GIPC3: variants seen among roughly 807,000 people sequenced by gnomAD.
GIPC3 encodes PDZ domain-containing protein GIPC3.
GIPC3 carries 16 observed loss-of-function variants against 27.3 expected under a neutral mutation model. That is an observed-to-expected ratio of 0.59 (90% CI 0.40 to 0.89). The LOEUF is 0.89. Among genes scored for constraint, GIPC3 ranks in the 40% least tolerant of loss-of-function variants. The pLI is 0.00. For missense variants in GIPC3, 440 were observed against 442.1 expected (o/e 1.00, Z 0.04); for synonymous variants, 194 against 184.6 (o/e 1.05, Z -0.41).
rs1015320883 is a variant in GIPC3, at chr19:3,592,365, A to C, written c.*2175A>C. 1.6e-6 allele frequency: 2 copies of C among 1,231,886 alleles called. No individual in the cohort carries two copies. The highest frequency in any genetic ancestry group is 3.1e-5 in the African/African-American group (2 of 64,392). 76.3% of individuals were successfully genotyped at this position (1,231,886 alleles called of 1,614,324 possible). The stretch of plus-strand genomic sequence containing the variant: ...CTTTGGAACTCAGCCCAGCTCTGGG[A>C]CCCAGATAAGCTCAAGAATTCAAGC... On this transcript the variant is annotated 3_prime_UTR_variant, in exon 6 of 6. Coordinates refer to ENST00000644452, the MANE Select transcript of GIPC3 (RefSeq NM_133261.3).
Position 3,586,910 on chromosome 19 carries a change from C to T in GIPC3, c.508C>T (p.His170Tyr). 2 of 1,613,538 alleles carry T rather than the reference C, an allele frequency of 1.2e-6. No individual in the cohort carries two copies. The highest frequency in any genetic ancestry group is 1.1e-5 in the South Asian group (1 of 91,084). The part of the protein sequence containing the change: ...INDHSIVGCR[H>Y]YEVAKMLREL... ...CGACCACTCCATTGTGGGCTGCCGC[C>T]ACTACGAGGTGGCCAAGATGCTCCG... Residue 170 changes from histidine (H) to tyrosine (Y), a missense_variant, in exon 3 of 6, where the codon CAC (histidine) becomes TAC (tyrosine). Physicochemically the swap from His to Tyr is moderately conservative, Grantham distance 83. Transcript: ENST00000644452.
rs1358965722 is a variant in GIPC3 at position 3,590,959 on chromosome 19, AG to A, written c.*770del. The A allele has an allele frequency of 8.1e-7, 1 of 1,233,220 alleles. No individual in the cohort carries two copies. Among genetic ancestry groups the A allele is most frequent in the Non-Finnish European group, 1.0e-6 (1 of 989,034 alleles). The allele number at this position is 1,233,220 out of a possible 1,614,324, so 76.4% of individuals were successfully genotyped here. A position where few individuals can be genotyped will look rare whatever the true frequency, so the allele number is the denominator to read the frequency against. ...AGCTCTGAGACAGAGCCCAGTATTG[AG>A]ACCAAGCCCTGTTCTAGAGTCCAGG... On this transcript the variant is annotated 3_prime_UTR_variant, in exon 6 of 6. Transcript: ENST00000644452.
Position 3,586,664 on chromosome 19 carries a change from G to A in GIPC3, c.395G>A (p.Gly132Asp), listed in dbSNP as rs760264727. 1.3e-6 allele frequency: 2 copies of A among 1,591,818 alleles called. No individual in the cohort carries two copies. Among genetic ancestry groups the A allele is most frequent in the Non-Finnish European group, 8.6e-7 (1 of 1,166,248 alleles). ...CTGACCATCACGGACAACGGGGCTG[G>A]CTACGCCTTCATCAAGGTGCCCGGG... ...LGLTITDNGA[G>D]YAFIKRIKEG... The change falls in exon 2 of 6, where the codon GGC becomes GAC. Residue 132 changes from glycine (G) to aspartate (D), a missense_variant. Transcript: ENST00000644452.
chr19:3,588,148 G>T (rs1368680255), intron 3 of GIPC3, among the ~76,000 whole-genome samples: 2 of 152,044 alleles, frequency 1.3e-5, no homozygotes, highest in Non-Finnish European at 2.9e-5. Context: ...GGGATTACAG[G>T]CATGTGCCAC....
chr19:3,585,944 TC>T (rs2032355814), intron 1 of GIPC3, 122 bp downstream of exon 1: 2 of 1,442,472 alleles, frequency 1.4e-6, no homozygotes, highest in Admixed American at 2.3e-5. Context: ...GGCCGCCTAA[TC>T]GCCGGATCTC....
rs1431308678 is a variant in GIPC3 at position 3,591,489 on chromosome 19, T to C, written c.*1299T>C. ...GATGCAGCCACACCTGGACACTCGG[T>C]CTAGCTCCGGAACCCCAGTTAATTT... On this transcript the variant is annotated 3_prime_UTR_variant, in exon 6 of 6. Coordinates refer to ENST00000644452, the MANE Select transcript of GIPC3 (RefSeq NM_133261.3). 1.6e-6 allele frequency: 2 copies of C among 1,232,330 alleles called. No homozygotes were observed. The highest frequency in any genetic ancestry group is 2.0e-6 in the Non-Finnish European group (2 of 988,392). 76.3% of individuals were successfully genotyped at this position (1,232,330 alleles called of 1,614,324 possible).
intron 3 of GIPC3, among the ~76,000 whole-genome samples, chr19:3,589,159 C>A (rs2032433083): frequency 6.6e-6 from 1 of 152,084 alleles, no homozygotes; most frequent in East Asian, 1.9e-4. Context: ...CAAGCAGTCC[C>A]TTCTAGAGAA....
At chr19:3,589,961 G>C in intron 5 of GIPC3, 49 bp downstream of exon 5, 1 of 1,613,182 alleles carries the variant, frequency 6.2e-7, no homozygotes, top group South Asian at 1.1e-5. Context: ...GGAAGCCTAC[G>C]GGAGGAGGCA....
rs543823363 is a variant in GIPC3 at position 3,590,766 on chromosome 19, G to T, written c.*576G>T. The T allele has an allele frequency of 8.5e-7, 1 of 1,183,302 alleles. No homozygotes were observed. The highest frequency in any genetic ancestry group is 2.0e-5 in the African/African-American group (1 of 50,248). 73.3% of individuals were successfully genotyped at this position (1,183,302 alleles called of 1,614,324 possible). On this transcript the variant is annotated 3_prime_UTR_variant, in exon 6 of 6. Transcript: ENST00000644452. ...TAGAACTCAGATGGGCTCTGAGACCGAGCCCAGCTCTAGAACTCAGATGGG... is the reference window on the plus strand; with the variant it reads ...TAGAACTCAGATGGGCTCTGAGACCTAGCCCAGCTCTAGAACTCAGATGGG...
In GIPC3 at chr19:3,591,570, G is replaced by C. The variant is rs115921893; in HGVS notation, c.*1380G>C. ...CAGCTCTGGAACCCCAGTCAGCTCA[G>C]GATTCAGAGACAGCTCCCAAATCAA... On this transcript the variant is annotated 3_prime_UTR_variant, in exon 6 of 6. Transcript: ENST00000644452. 4,011 of 1,232,950 alleles carry C rather than the reference G, an allele frequency of 3.3e-3. 104 individuals are homozygous for C. The African/African-American group carries it at 0.057, about 17-fold the overall frequency. The allele number at this position is 1,232,950 out of a possible 1,614,324, so 76.4% of individuals were successfully genotyped here.
At chr19:3,585,877 A>T (rs958932086) in intron 1 of GIPC3, 55 bp downstream of exon 1, 134 of 1,516,466 alleles carry the variant, frequency 8.8e-5, no homozygotes, top group Non-Finnish European at 1.1e-4. Context: ...GGTGAGGGGT[A>T]GGGAGCTTGG....
rs932583576 is a variant in GIPC3, at chr19:3,593,277, G to A, written c.*3087G>A. 16 of 1,232,246 alleles carry A rather than the reference G, an allele frequency of 1.3e-5. No individual in the cohort carries two copies. The highest frequency in any genetic ancestry group is 4.7e-5 in the African/African-American group (3 of 64,406). 76.3% of individuals were successfully genotyped at this position (1,232,246 alleles called of 1,614,324 possible). On this transcript the variant is annotated 3_prime_UTR_variant, in exon 6 of 6. Transcript: ENST00000644452. The stretch of plus-strand genomic sequence containing the variant: ...GGAGCCAGGAGCCCGCCCTTACCGC[G>A]GGGGGCCGTAGCTTGGCTGTGACTT...
intron 5 of GIPC3, 58 bp downstream of exon 5, chr19:3,589,970 CA>C: frequency 6.2e-7 from 1 of 1,613,320 alleles, no homozygotes. Flanking sequence ...CGGGAGGAGG[CA>C]GGGGTCCCAG....
In GIPC3 at chr19:3,585,509, G is replaced by T; in HGVS notation, c.-89G>T. The T allele has an allele frequency of 9.6e-7, 1 of 1,045,052 alleles. No homozygotes were observed. 64.7% of individuals were successfully genotyped at this position (1,045,052 alleles called of 1,614,324 possible). A position where few individuals can be genotyped will look rare whatever the true frequency, so the allele number is the denominator to read the frequency against. ...CTTACCCGGGCGTCTCGGCTGTCGCGCCCTGGGCCGGGGGAGGGGAGGCTG... is the reference window on the plus strand; with the variant it reads ...CTTACCCGGGCGTCTCGGCTGTCGCTCCCTGGGCCGGGGGAGGGGAGGCTG... On this transcript the variant is annotated 5_prime_UTR_variant, in exon 1 of 6. Coordinates refer to ENST00000644452, the MANE Select transcript of GIPC3 (RefSeq NM_133261.3).
intron 3 of GIPC3, among the ~76,000 whole-genome samples, chr19:3,589,173 C>T (rs562779176): frequency 2.0e-4 from 30 of 152,214 alleles, no homozygotes; most frequent in African/African-American, 2.4e-4. Flanking sequence ...TAGAGAAAGT[C>T]GCTAGAAGAG....
chr19:3,587,060 G>T, intron 3 of GIPC3, 66 bp downstream of exon 3: 1 of 1,493,674 alleles, frequency 6.7e-7, no homozygotes, highest in Non-Finnish European at 9.1e-7. Flanking sequence ...GGGTGGAGGA[G>T]GGTCGGGGAT....
Position 3,590,145 on chromosome 19 carries a change from G to A in GIPC3, c.894G>A (p.Val298=). 1.2e-6 allele frequency: 2 copies of A among 1,610,278 alleles called. No homozygotes were observed. Among genetic ancestry groups the A allele is most frequent in the Non-Finnish European group, 1.7e-6 (2 of 1,178,696 alleles). The change falls in exon 6 of 6, where the codon GTG becomes GTA. Residue 298 remains valine (V), a synonymous_variant. Coordinates refer to ENST00000644452, the MANE Select transcript of GIPC3 (RefSeq NM_133261.3). ...TCGCCTTCCCCGACGAGTTTGTGGT[G>A]GAAGTGTGGGCCGCCATCGGCGAGG... ...GEFAFPDEFV[V]EVWAAIGEAR...
Position 3,591,461 on chromosome 19 carries a change from C to T in GIPC3, c.*1271C>T. ...CTGACTCTGGAACTCTGGACAGCTC[C>T]ACGATGCAGCCACACCTGGACACTC... is the stretch of plus-strand genomic sequence containing the variant. On this transcript the variant is annotated 3_prime_UTR_variant, in exon 6 of 6. Coordinates refer to ENST00000644452, the MANE Select transcript of GIPC3 (RefSeq NM_133261.3). 8.1e-7 allele frequency: 1 copy of T among 1,232,352 alleles called. No individual in the cohort carries two copies. Among genetic ancestry groups the T allele is most frequent in the Non-Finnish European group, 1.0e-6 (1 of 988,216 alleles). The allele number at this position is 1,232,352 out of a possible 1,614,324, so 76.3% of individuals were successfully genotyped here.
In GIPC3 at chr19:3,593,393, G is replaced by A; in HGVS notation, c.*3203G>A. ...AGTGACCTTATTTCTCCAGCAGGCG[G>A]TGGTAGGGAGTGTGCGGTGGTGAAA... On this transcript the variant is annotated 3_prime_UTR_variant, in exon 6 of 6. Transcript: ENST00000644452. 1 of 1,028,002 alleles carries A rather than the reference G, an allele frequency of 9.7e-7. No homozygotes were observed. The highest frequency in any genetic ancestry group is 1.2e-6 in the Non-Finnish European group (1 of 802,176). 63.7% of individuals were successfully genotyped at this position (1,028,002 alleles called of 1,614,324 possible).
Sources: gnomAD v4.1 joint callset for allele counts (sites outside exome capture counted in the v4.1 genomes callset) on GRCh38, gnomAD v4.1.1 for gene constraint, MANE v1.5 for transcripts, NCBI Gene and HGNC (gene_info 2026-07-23, HGNC 2026-07-21) for gene names.